The following ABHD12 variants were observed in gnomAD, a reference collection of about 807,000 sequenced individuals.
ABHD12 encodes lysophosphatidylserine lipase ABHD12.
ABHD12 carries 43 observed loss-of-function variants against 58.3 expected under a neutral mutation model. That is an observed-to-expected ratio of 0.74 (90% CI 0.58 to 0.95). The LOEUF (loss-of-function observed/expected upper bound fraction) is 0.95, where lower values mean the gene tolerates loss of function less well. Ranked by LOEUF, ABHD12 falls within the 40% of genes least tolerant of loss-of-function variation. The pLI is 0.00. For missense variants in ABHD12, 539 were observed against 537.2 expected (o/e 1.00, Z -0.03); for synonymous variants, 219 against 211.2 (o/e 1.04, Z -0.32).
intron 1 of ABHD12, among the ~76,000 whole-genome samples, chr20:25,374,800 TAC>T (rs1266799176): frequency 1.3e-5 from 2 of 152,140 alleles, no homozygotes; most frequent in Non-Finnish European, 2.9e-5. Flanking sequence ...ACGCCCAGCC[TAC>T]AGTGTTTTAA....
downstream of ABHD12, among the ~76,000 whole-genome samples, chr20:25,298,546 T>C (rs2088586534): frequency 6.6e-6 from 1 of 152,162 alleles, no homozygotes; most frequent in Admixed American, 6.5e-5. Context: ...TGAACCACTG[T>C]TCCTGGCCAA....
chr20:25,371,149 G>A (rs1448293309), intron 1 of ABHD12, among the ~76,000 whole-genome samples: 1 of 152,144 alleles, frequency 6.6e-6, no homozygotes, highest in East Asian at 1.9e-4. Flanking sequence ...TACTTTAAAG[G>A]AGAGACCACA....
chr20:25,322,362 G>GATATATATATATATATATATATAT (rs1312326738), intron 3 of ABHD12, among the ~76,000 whole-genome samples: 6 of 66,098 alleles, frequency 9.1e-5, no homozygotes, highest in African/African-American at 4.1e-4. Context: ...TCTTGGAAAA[G>GATATATATATATATATATATATAT]ATATATATAT....
intron 2 of ABHD12, among the ~76,000 whole-genome samples, chr20:25,330,004 G>A (rs756490938): frequency 7.2e-5 from 11 of 152,194 alleles, no homozygotes; most frequent in Non-Finnish European, 1.5e-4. Context: ...AGCTCCCAGC[G>A]TGAGCGACAC....
intron 1 of ABHD12, among the ~76,000 whole-genome samples, chr20:25,373,634 G>C (rs1319608655): frequency 6.6e-6 from 1 of 151,006 alleles, no homozygotes; most frequent in Non-Finnish European, 1.5e-5. Context: ...CCATATCTTT[G>C]TTCCTGTGTG....
intron 1 of ABHD12, chr20:25,368,750 A>G (rs1269410300): frequency 9.7e-7 from 1 of 1,027,726 alleles, no homozygotes; most frequent in Non-Finnish European, 1.5e-6. Context: ...ATGTTGAAGA[A>G]CAGTGGGGTT....
Position 25,339,237 on chromosome 20 carries a change from G to T in ABHD12, c.306C>A (p.Phe102Leu). Residue 102 changes from phenylalanine (F) to leucine (L), a missense_variant, in exon 2 of 13, where the codon TTC (phenylalanine) becomes TTA (leucine). By Grantham distance (22) the Phe-to-Leu change is conservative (BLOSUM62 0). Transcript: ENST00000339157. ...ACACATACCACTTACCGAAATTCAA[G>T]AAAATCAGTTTGGCCTGTATTCCAG... Reference protein sequence around the residue: ...LCPGIQAKLIFLNFVRVPYFI... With the variant: ...LCPGIQAKLILLNFVRVPYFI... 6.2e-7 allele frequency: 1 copy of T among 1,614,094 alleles called. No individual in the cohort carries two copies. The highest frequency in any genetic ancestry group is 8.5e-7 in the Non-Finnish European group (1 of 1,180,010).
rs749992235 is a variant in ABHD12, at chr20:25,323,344, C to A, written c.403G>T (p.Asp135Tyr). The A allele has an allele frequency of 6.2e-7, 1 of 1,613,940 alleles. No homozygotes were observed. Among genetic ancestry groups the A allele is most frequent in the South Asian group, 1.1e-5 (1 of 91,084 alleles). Residue 135 changes from aspartate to tyrosine, a missense_variant, in exon 3 of 13, where the codon GAC becomes TAC. Transcript: ENST00000339157. ...ACTCACCAGACTCCAATGGTCACGT[C>A]TTCCTCTGGCTGCAGGTAGTAGTTA... ...TCNYYLQPEE[D>Y]VTIGVWHTVP...
intron 2 of ABHD12, among the ~76,000 whole-genome samples, chr20:25,328,071 T>G (rs1600805401): frequency 6.7e-6 from 1 of 148,298 alleles, no homozygotes; most frequent in South Asian, 2.1e-4. Context: ...TACGGGAGAG[T>G]GATTTGAGTA....
intron 1 of ABHD12, among the ~76,000 whole-genome samples, chr20:25,346,945 A>G (rs1298069352): frequency 6.6e-6 from 1 of 152,042 alleles, no homozygotes; most frequent in Non-Finnish European, 1.5e-5. Context: ...CGCCCGGCCA[A>G]GTTTATTAAT....
chr20:25,320,305 C>A lies in ABHD12; in HGVS notation c.436G>T (p.Ala146Ser), dbSNP rs1279799872. ...CCTTGGGCGTTCTTCCACCAGACTG[C>A]AGGGACGGTGTGCCTGCAGACAGAA... ...VTIGVWHTVPAVWWKNAQGKD... is the reference protein window; with the variant it reads ...VTIGVWHTVPSVWWKNAQGKD... Residue 146 changes from alanine to serine, a missense_variant, in exon 4 of 13, where the codon GCA becomes TCA. Physicochemically the swap from Ala to Ser is moderately conservative, Grantham distance 99 (BLOSUM62 1). Coordinates refer to ENST00000339157, the MANE Select transcript of ABHD12 (RefSeq NM_001042472.3). 6.2e-7 allele frequency: 1 copy of A among 1,613,936 alleles called. No homozygotes were observed. The highest frequency in any genetic ancestry group is 1.3e-5 in the African/African-American group (1 of 75,076).
At chr20:25,359,423 C>CAAAAAAA (rs565367954) in intron 1 of ABHD12, among the ~76,000 whole-genome samples, 700 of 62,928 alleles carry the variant, frequency 0.011, 8 homozygotes, top group African/African-American at 0.026. Context: ...GACTCCGTCT[C>CAAAAAAA]AAAAAAAAAA....
chr20:25,371,230 C>T lies in ABHD12; in HGVS notation c.191+19283G>A, dbSNP rs965552332. On this transcript the variant is annotated intron_variant, in intron 1 of 12. Transcript: ENST00000339157. ...CCCAAGGAGTGTCTATGTCCCCTCT[C>T]GTCCCCATGGGCAATGCCTACATTG... Among the ~76,000 whole-genome samples the T allele has an allele frequency of 2.2e-4, 33 of 152,158 alleles. 1 individual carries two copies. Among genetic ancestry groups the T allele is most frequent in the African/African-American group, 1.7e-4 (7 of 41,416 alleles).
exon 13 of ABHD12, chr20:25,294,823 G>A (rs1034762103): frequency 1.2e-6 from 1 of 805,306 alleles, no homozygotes; most frequent in Non-Finnish European, 2.2e-6. Flanking sequence ...GACTTTGTAA[G>A]GTTTGCAGCT....
downstream of ABHD12, chr20:25,295,706 T>C: frequency 1.3e-6 from 2 of 1,577,892 alleles, no homozygotes; most frequent in Non-Finnish European, 1.7e-6. Flanking sequence ...GGGGAGCAGC[T>C]GGGTGGGTCC....
intron 1 of ABHD12, among the ~76,000 whole-genome samples, chr20:25,377,298 C>G (rs992644269): frequency 6.6e-6 from 1 of 152,162 alleles, no homozygotes; most frequent in South Asian, 2.1e-4. Flanking sequence ...GCTCTATTGG[C>G]CAGCAATGCA....
At position 25,390,488 on chromosome 20, in the gene ABHD12, CCCCCCG is replaced by C; in HGVS notation, c.191+19_191+24del. 1 of 1,311,026 alleles carries C rather than the reference CCCCCCG, an allele frequency of 7.6e-7. No homozygotes were observed. The highest frequency in any genetic ancestry group is 9.8e-7 in the Non-Finnish European group (1 of 1,017,260). The allele number at this position is 1,311,026 out of a possible 1,614,324, so 81.2% of individuals were successfully genotyped here. A position where few individuals can be genotyped will look rare whatever the true frequency, so the allele number is the denominator to read the frequency against. On this transcript the variant is annotated intron_variant, in intron 1 of 12. Coordinates refer to ENST00000339157, the MANE Select transcript of ABHD12 (RefSeq NM_001042472.3). Reference sequence around the variant, plus strand: ...AAAGTGAGGGACCGGCCCCCCCCCCCCCCCCGCTCCGCGCGAAGCCTCACCTGCCCA... The same window carrying C: ...AAAGTGAGGGACCGGCCCCCCCCCCCCTCCGCGCGAAGCCTCACCTGCCCA...
chr20:25,337,659 C>T (rs1470999894), intron 2 of ABHD12, among the ~76,000 whole-genome samples: 1 of 152,246 alleles, frequency 6.6e-6, no homozygotes, highest in Non-Finnish European at 1.5e-5. Context: ...AAGGCACCTG[C>T]CCAAGGGGGC....
At chr20:25,343,346 T>C (rs2089479190) in intron 1 of ABHD12, among the ~76,000 whole-genome samples, 1 of 152,210 alleles carries the variant, frequency 6.6e-6, no homozygotes, top group Non-Finnish European at 1.5e-5. Context: ...CTTTTTAACT[T>C]ATCCTATAAG....
Sources: gnomAD v4.1 joint callset for allele counts (sites outside exome capture counted in the v4.1 genomes callset) on GRCh38, gnomAD v4.1.1 for gene constraint, MANE v1.5 for transcripts, NCBI Gene and HGNC (gene_info 2026-07-23, HGNC 2026-07-21) for gene names.